TMEM161B: variants seen among roughly 807,000 people sequenced by gnomAD.
TMEM161B encodes transmembrane protein 161B.
In TMEM161B, 34 loss-of-function variants were observed where a neutral mutation model predicts 61.8. The observed-to-expected ratio is 0.55, with a 90% CI of 0.42 to 0.73. The LOEUF (loss-of-function observed/expected upper bound fraction) is 0.73, where lower values mean the gene tolerates loss of function less well. Among genes scored for constraint, TMEM161B ranks in the 30% least tolerant of loss-of-function variants. The pLI is 0.00. For missense variants in TMEM161B, 456 were observed against 558.5 expected, an observed-to-expected ratio of 0.82 and a Z score of 1.85; for synonymous variants, 167 against 192.8, an observed-to-expected ratio of 0.87 and a Z score of 1.11.
downstream of TMEM161B, chr5:88,190,367 G>A (rs1351018869): frequency 6.1e-6 from 4 of 659,254 alleles, no homozygotes; most frequent in Non-Finnish European, 1.1e-5. Flanking sequence ...TGACCTAGAT[G>A]GGTGGTTTCA....
At chr5:88,229,494 T>G (rs1256819359) in intron 2 of TMEM161B, among the ~76,000 whole-genome samples, 6 of 151,492 alleles carry the variant, frequency 4.0e-5, no homozygotes, top group South Asian at 2.1e-4. Flanking sequence ...TATTGGTTTT[T>G]TTTTTTTTTA....
At chr5:88,226,200 A>T (rs983772118) in intron 3 of TMEM161B, among the ~76,000 whole-genome samples, 1 of 152,172 alleles carries the variant, frequency 6.6e-6, no homozygotes, top group South Asian at 2.1e-4. Context: ...ATGCAAATGA[A>T]GACAAAGTGC....
intron 11 of TMEM161B, 94 bp downstream of exon 11, chr5:88,197,575 T>C: frequency 9.6e-7 from 1 of 1,040,674 alleles, no homozygotes; most frequent in East Asian, 2.6e-5. Context: ...AGAGAAACAA[T>C]TTTAAGAGTT....
At chr5:88,220,946 G>A (rs915908019) in intron 4 of TMEM161B, among the ~76,000 whole-genome samples, 8 of 152,000 alleles carry the variant, frequency 5.3e-5, no homozygotes, top group African/African-American at 9.7e-5. Context: ...TAAAATAAAC[G>A]TTAAAAGATT....
intron 1 of TMEM161B, among the ~76,000 whole-genome samples, chr5:88,255,722 G>A (rs1754905356): frequency 6.6e-6 from 1 of 152,112 alleles, no homozygotes; most frequent in African/African-American, 2.4e-5. Context: ...CTTAAAAAGT[G>A]AAAGCATAAT....
chr5:88,258,658 A>G (rs2112764489), intron 1 of TMEM161B, among the ~76,000 whole-genome samples: 1 of 152,236 alleles, frequency 6.6e-6, no homozygotes, highest in East Asian at 1.9e-4. Context: ...TAACAAAAAT[A>G]CTCAATAATA....
At chr5:88,246,536 G>A (rs576052582) in intron 1 of TMEM161B, among the ~76,000 whole-genome samples, 1 of 151,970 alleles carries the variant, frequency 6.6e-6, no homozygotes, top group African/African-American at 2.4e-5. Context: ...CAATTACAGT[G>A]TACATGCCAG....
chr5:88,219,729 A>G (rs1748567761), intron 5 of TMEM161B, among the ~76,000 whole-genome samples: 1 of 152,180 alleles, frequency 6.6e-6, no homozygotes, highest in Non-Finnish European at 1.5e-5. Flanking sequence ...GAGCCAACCT[A>G]TCTATCAAGT....
At chr5:88,237,597 A>C (rs1272110575) in intron 2 of TMEM161B, among the ~76,000 whole-genome samples, 1 of 152,044 alleles carries the variant, frequency 6.6e-6, no homozygotes, top group East Asian at 1.9e-4. Flanking sequence ...GTAACATATC[A>C]CCACACCTCC....
intron 6 of TMEM161B, among the ~76,000 whole-genome samples, chr5:88,206,809 G>A (rs1308397907): frequency 1.3e-5 from 2 of 151,792 alleles, no homozygotes; most frequent in Non-Finnish European, 2.9e-5. Flanking sequence ...AAAAAAACGA[G>A]ACAGTATTTT....
At chr5:88,265,259 ACCTACTACAGC>A (rs1756233644) in intron 1 of TMEM161B, among the ~76,000 whole-genome samples, 1 of 152,166 alleles carries the variant, frequency 6.6e-6, no homozygotes, top group Non-Finnish European at 1.5e-5. Flanking sequence ...AGTTGAAGTC[ACCTACTACAGC>A]AGTCCCCAAC....
chr5:88,192,217 G>A (rs1456090925), downstream of TMEM161B, among the ~76,000 whole-genome samples: 1 of 151,366 alleles, frequency 6.6e-6, no homozygotes, highest in Admixed American at 6.6e-5. Context: ...ACCACATGCA[G>A]GGAGTGGTGG....
chr5:88,216,339 A>G (rs946437991), intron 5 of TMEM161B, among the ~76,000 whole-genome samples: 1 of 152,242 alleles, frequency 6.6e-6, no homozygotes, highest in Non-Finnish European at 1.5e-5. Flanking sequence ...GCTCATGCTA[A>G]TTATCACGGG....
rs33700 is a variant in TMEM161B at position 88,195,091 on chromosome 5, T to C, written c.*1120A>G. Reference sequence around the variant, plus strand: ...GTAGACCTGATTTGAGAGGGAAAGATTCTGATTTTTGGAAATGACAGAAAA... The same window carrying C: ...GTAGACCTGATTTGAGAGGGAAAGACTCTGATTTTTGGAAATGACAGAAAA... On this transcript the variant is annotated 3_prime_UTR_variant, in exon 12 of 12. Coordinates refer to ENST00000296595, the MANE Select transcript of TMEM161B (RefSeq NM_153354.5). The C allele has an allele frequency of 0.24, 233,113 of 954,146 alleles. 30,575 individuals carry two copies. Among genetic ancestry groups the C allele is most frequent in the African/African-American group, 0.44 (25,082 of 56,460 alleles). 59.1% of individuals were successfully genotyped at this position (954,146 alleles called of 1,614,324 possible). A position where few individuals can be genotyped will look rare whatever the true frequency, so the allele number is the denominator to read the frequency against.
intron 1 of TMEM161B, among the ~76,000 whole-genome samples, chr5:88,249,302 TAAA>T (rs1754027868): frequency 6.6e-6 from 1 of 152,022 alleles, no homozygotes; most frequent in Non-Finnish European, 1.5e-5. Context: ...TCACAAAAGG[TAAA>T]AGCCTTAGCT....
chr5:88,220,750 A>C, intron 4 of TMEM161B, 31 bp from the exon 5 acceptor site: 2 of 1,490,480 alleles, frequency 1.3e-6, no homozygotes, highest in African/African-American at 1.4e-5. Context: ...AAAAAAAAAA[A>C]AGGTCAAAAA....
chr5:88,219,358 G>A (rs1340132987), intron 5 of TMEM161B, among the ~76,000 whole-genome samples: 1 of 152,128 alleles, frequency 6.6e-6, no homozygotes, highest in Non-Finnish European at 1.5e-5. Context: ...ATCAAGGAAT[G>A]GCCTTGAAAG....
At chr5:88,187,860 C>T (rs147934532), downstream of TMEM161B, among the ~76,000 whole-genome samples, 8 of 152,182 alleles carry the variant, frequency 5.3e-5, no homozygotes, top group Non-Finnish European at 8.8e-5. Context: ...GTTTGATGAT[C>T]TCTTATAGCT....
At chr5:88,215,194 G>A (rs2112484130) in intron 5 of TMEM161B, among the ~76,000 whole-genome samples, 2 of 152,292 alleles carry the variant, frequency 1.3e-5, no homozygotes, top group South Asian at 4.2e-4. Context: ...TGAATTAACT[G>A]AGGTATGTAT....
Sources: gnomAD v4.1 joint callset for allele counts (sites outside exome capture counted in the v4.1 genomes callset) on GRCh38, gnomAD v4.1.1 for gene constraint, MANE v1.5 for transcripts, NCBI Gene and HGNC (gene_info 2026-07-23, HGNC 2026-07-21) for gene names.